Variants in TMEM135 observed in about 807,000 individuals in gnomAD.
The protein encoded by TMEM135 is transmembrane protein 135.
Under a neutral mutation model 60.3 loss-of-function variants are expected in TMEM135, and 30 were observed. The ratio of observed to expected loss-of-function variants is 0.50; its 90% CI spans 0.37 to 0.68. The LOEUF (loss-of-function observed/expected upper bound fraction) is 0.68. Ranked by LOEUF, TMEM135 falls within the 30% of genes least tolerant of loss-of-function variation. The pLI, the probability that TMEM135 is intolerant of heterozygous loss-of-function variation, is 0.00. For synonymous variants in TMEM135, 190 were observed against 186.7 expected, an observed-to-expected ratio of 1.02 and a Z score of -0.14; for missense variants, 468 against 548.8, an observed-to-expected ratio of 0.85 and a Z score of 1.47.
intron 6 of TMEM135, among the ~76,000 whole-genome samples, chr11:87,274,548 G>A (rs932522862): frequency 5.3e-5 from 8 of 152,000 alleles, no homozygotes; most frequent in African/African-American, 9.7e-5. Flanking sequence ...GGAGTCTTAC[G>A]GCAAAAATTC....
chr11:87,129,485 C>T (rs1326596706), intron 4 of TMEM135, among the ~76,000 whole-genome samples: 2 of 146,218 alleles, frequency 1.4e-5, no homozygotes, highest in Non-Finnish European at 3.0e-5. Context: ...TCAGGTAATC[C>T]GTCTGCCTAG....
chr11:87,073,826 C>G (rs545133065), intron 3 of TMEM135, among the ~76,000 whole-genome samples: 1 of 152,006 alleles, frequency 6.6e-6, no homozygotes, highest in Admixed American at 6.6e-5. Context: ...TGCCACCACG[C>G]CTGGCTAATT....
intron 6 of TMEM135, among the ~76,000 whole-genome samples, chr11:87,248,653 C>T (rs1941347200): frequency 6.6e-6 from 1 of 151,740 alleles, no homozygotes; most frequent in Non-Finnish European, 1.5e-5. Context: ...TCTATGAAGA[C>T]TGTCATTGAC....
intron 9 of TMEM135, among the ~76,000 whole-genome samples, chr11:87,309,265 G>T (rs1181646591): frequency 6.6e-6 from 1 of 152,184 alleles, no homozygotes; most frequent in Non-Finnish European, 1.5e-5. Context: ...GCCAGTGCTT[G>T]TGAGACTTTT....
Position 87,302,447 on chromosome 11 carries a change from G to A in TMEM135, c.698+5G>A. ...CAGGAAATTTGTGGATTCAATGTGA[G>A]CTCTTTATCTTGATATTTTAACCTG... On this transcript the variant is annotated splice_donor_5th_base_variant and intron_variant, in intron 8 of 14. Coordinates refer to ENST00000305494, the MANE Select transcript of TMEM135 (RefSeq NM_022918.4). The A allele has an allele frequency of 6.2e-7, 1 of 1,613,740 alleles. No homozygotes were observed. Among genetic ancestry groups the A allele is most frequent in the Non-Finnish European group, 8.5e-7 (1 of 1,179,810 alleles).
chr11:87,309,373 T>G (rs1942603224), intron 9 of TMEM135, 132 bp from the exon 10 acceptor site: 1 of 850,768 alleles, frequency 1.2e-6, no homozygotes, highest in Non-Finnish European at 1.9e-6. Context: ...TTTTAAGGCT[T>G]TATTTTGCTG....
chr11:87,314,872 A>G (rs968886009), intron 12 of TMEM135, among the ~76,000 whole-genome samples: 5 of 151,806 alleles, frequency 3.3e-5, no homozygotes, highest in Admixed American at 6.6e-5. Context: ...ACACTATATA[A>G]TTTCATCCTT....
At chr11:87,248,242 G>A (rs977760773) in intron 6 of TMEM135, among the ~76,000 whole-genome samples, 1 of 152,118 alleles carries the variant, frequency 6.6e-6, no homozygotes, top group South Asian at 2.1e-4. Flanking sequence ...GTTTCATATT[G>A]TAGTTCTATT....
chr11:87,248,940 AT>A (rs2135388785), intron 6 of TMEM135, among the ~76,000 whole-genome samples: 1 of 152,232 alleles, frequency 6.6e-6, no homozygotes, highest in East Asian at 1.9e-4. Flanking sequence ...AATGCTACTG[AT>A]TTTAGTATGT....
intron 5 of TMEM135, among the ~76,000 whole-genome samples, chr11:87,192,231 C>T (rs928475122): frequency 9.3e-5 from 14 of 151,166 alleles, no homozygotes; most frequent in South Asian, 2.1e-4. Flanking sequence ...CTTCGTGATC[C>T]GCCCAACTTG....
At chr11:87,227,861 A>G (rs769913618) in intron 5 of TMEM135, among the ~76,000 whole-genome samples, 7 of 152,196 alleles carry the variant, frequency 4.6e-5, no homozygotes, top group African/African-American at 1.2e-4. Context: ...AAAAAAGTAT[A>G]TGAATGGGAG....
At chr11:87,145,006 C>T (rs1419557486) in intron 4 of TMEM135, among the ~76,000 whole-genome samples, 1 of 152,020 alleles carries the variant, frequency 6.6e-6, no homozygotes, top group African/African-American at 2.4e-5. Flanking sequence ...GTGCTGTACT[C>T]TATTATCAAC....
intron 6 of TMEM135, among the ~76,000 whole-genome samples, chr11:87,247,437 G>T (rs575939428): frequency 1.3e-3 from 202 of 152,246 alleles, no homozygotes; most frequent in African/African-American, 4.8e-3. Context: ...CTTTTTGTTT[G>T]TCTGTGCCAT....
At chr11:87,298,649 T>C (rs1942389374) in intron 7 of TMEM135, among the ~76,000 whole-genome samples, 1 of 150,548 alleles carries the variant, frequency 6.6e-6, no homozygotes, top group African/African-American at 2.4e-5. Flanking sequence ...TAGCCAGGCA[T>C]GGTGGTGGGC....
At chr11:87,159,611 A>ACACACACACG (rs1228938204) in intron 5 of TMEM135, among the ~76,000 whole-genome samples, 8,833 of 144,564 alleles carry the variant, frequency 0.061, 343 homozygotes, top group South Asian at 0.12. Flanking sequence ...ACACACACAC[A>ACACACACACG]CACACACCAT....
chr11:87,168,677 T>G, intron 5 of TMEM135, among the ~76,000 whole-genome samples: 1 of 152,170 alleles, frequency 6.6e-6, no homozygotes, highest in East Asian at 1.9e-4. Context: ...AGACTGTTTG[T>G]TATGATTTCC....
chr11:87,287,643 C>A (rs776236145), intron 6 of TMEM135, among the ~76,000 whole-genome samples: 1 of 152,192 alleles, frequency 6.6e-6, no homozygotes, highest in Non-Finnish European at 1.5e-5. Flanking sequence ...CACCACTGCA[C>A]TCCAGCCTGG....
At chr11:87,171,867 C>G (rs1939245905) in intron 5 of TMEM135, among the ~76,000 whole-genome samples, 1 of 152,130 alleles carries the variant, frequency 6.6e-6, no homozygotes, top group African/African-American at 2.4e-5. Flanking sequence ...CTAGATCCCT[C>G]CCATGTGCAG....
At chr11:87,289,379 A>G (rs1003789477) in intron 6 of TMEM135, among the ~76,000 whole-genome samples, 2 of 151,406 alleles carry the variant, frequency 1.3e-5, no homozygotes, top group Non-Finnish European at 2.9e-5. Flanking sequence ...TAGAACCACT[A>G]GAACGTATTT....
Sources: allele counts gnomAD v4.1 joint callset (sites outside exome capture counted in the v4.1 genomes callset), GRCh38; gene constraint gnomAD v4.1.1; transcripts MANE v1.5; gene names NCBI Gene and HGNC (gene_info 2026-07-23, HGNC 2026-07-21).